Variants in MRTFA observed in about 807,000 individuals in gnomAD.
MRTFA encodes the protein myocardin-related transcription factor A.
MRTFA carries 20 observed loss-of-function variants against 83.5 expected under a neutral mutation model. That is an observed-to-expected ratio of 0.24 (90% CI 0.17 to 0.35). The LOEUF (loss-of-function observed/expected upper bound fraction) is 0.35, where lower values mean the gene tolerates loss of function less well. Ranked by LOEUF, MRTFA falls within the 10% of genes least tolerant of loss-of-function variation. MRTFA has a pLI of 1.00. For synonymous variants in MRTFA, 659 were observed against 541.2 expected (o/e 1.22, Z -3.02); for missense variants, 1,200 against 1,224.7 (o/e 0.98, Z 0.30).
At chr22:40,626,718 G>A (rs1468004406) in intron 1 of MRTFA, among the ~76,000 whole-genome samples, 1 of 152,020 alleles carries the variant, frequency 6.6e-6, no homozygotes, top group Non-Finnish European at 1.5e-5. Flanking sequence ...ACAAAGCCAG[G>A]GCCAGGCATA....
At chr22:40,529,825 T>C (rs2055045171) in intron 3 of MRTFA, among the ~76,000 whole-genome samples, 1 of 152,202 alleles carries the variant, frequency 6.6e-6, no homozygotes, top group African/African-American at 2.4e-5. Context: ...AGTACTCTAA[T>C]AATCATAACA....
At chr22:40,564,916 G>A (rs1184073161) in intron 2 of MRTFA, among the ~76,000 whole-genome samples, 1 of 152,050 alleles carries the variant, frequency 6.6e-6, no homozygotes, top group East Asian at 1.9e-4. Context: ...TTCCCAAAGT[G>A]CTAGGATTAC....
At chr22:40,503,960 A>T (rs1249494125) in intron 3 of MRTFA, among the ~76,000 whole-genome samples, 1 of 152,192 alleles carries the variant, frequency 6.6e-6, no homozygotes, top group African/African-American at 2.4e-5. Context: ...CTTAAAAAAT[A>T]ATAAACTGCC....
chr22:40,635,963 G>A (rs949270716), intron 1 of MRTFA, among the ~76,000 whole-genome samples: 1 of 152,152 alleles, frequency 6.6e-6, no homozygotes, highest in Admixed American at 6.5e-5. Context: ...TTCTTAGGAG[G>A]TAAAGTTCTT....
intron 3 of MRTFA, among the ~76,000 whole-genome samples, chr22:40,525,403 G>GTCGGGGAGGTT (rs989548939): frequency 6.6e-5 from 10 of 152,054 alleles, no homozygotes; most frequent in Non-Finnish European, 8.8e-5. Flanking sequence ...ACAGGAAGCT[G>GTCGGGGAGGTT]TCGGGGAGGT....
intron 4 of MRTFA, among the ~76,000 whole-genome samples, chr22:40,454,596 C>T (rs1358652994): frequency 1.3e-5 from 2 of 152,174 alleles, no homozygotes; most frequent in Admixed American, 6.5e-5. Flanking sequence ...CTCATTTGAT[C>T]TCCAAACTCA....
Position 40,411,315 on chromosome 22 carries a change from G to GAATC in MRTFA, c.*71_*74dup. 1 of 1,451,696 alleles carries GAATC rather than the reference G, an allele frequency of 6.9e-7. No homozygotes were observed. The highest frequency in any genetic ancestry group is 9.3e-7 in the Non-Finnish European group (1 of 1,080,076). 89.9% of individuals were successfully genotyped at this position (1,451,696 alleles called of 1,614,324 possible). A position where few individuals can be genotyped will look rare whatever the true frequency, so the allele number is the denominator to read the frequency against. Reference sequence around the variant, plus strand: ...AGACTCACAACCATGTGGAGAGGCCGAATCACGCAGGAGAGCCACGCATTG... The same window carrying GAATC: ...AGACTCACAACCATGTGGAGAGGCCGAATCAATCACGCAGGAGAGCCACGCATTG... On this transcript the variant is annotated 3_prime_UTR_variant, in exon 15 of 15. Coordinates refer to ENST00000355630, the MANE Select transcript of MRTFA (RefSeq NM_020831.6).
At chr22:40,459,794 C>T (rs773269842) in intron 4 of MRTFA, among the ~76,000 whole-genome samples, 2 of 108,398 alleles carry the variant, frequency 1.8e-5, no homozygotes, top group Non-Finnish European at 3.5e-5. Flanking sequence ...CACACACACA[C>T]ACACACACAC....
intron 3 of MRTFA, among the ~76,000 whole-genome samples, chr22:40,472,896 T>C (rs1203686451): frequency 6.6e-6 from 1 of 152,140 alleles, no homozygotes; most frequent in Non-Finnish European, 1.5e-5. Context: ...GGCTAAAAAT[T>C]GTTAATTTGT....
Position 40,588,115 on chromosome 22 carries a change from G to A in MRTFA, c.-22+6559C>T, listed in dbSNP as rs1010885525. 5.2e-5 allele frequency: 8 copies of A among 153,732 alleles called. No homozygotes were observed. In the East Asian group the frequency reaches 1.1e-3, roughly 21 times the overall value. The allele number at this position is 153,732 out of a possible 1,614,324, so 9.5% of individuals were successfully genotyped here. A position where few individuals can be genotyped will look rare whatever the true frequency, so the allele number is the denominator to read the frequency against. ...GCAGTCTCGGCTCACTGCAACCTCC[G>A]CCTCCCAGGTTCAAGCGATTCTCCC... On this transcript the variant is annotated intron_variant, in intron 2 of 14. Coordinates refer to ENST00000355630, the MANE Select transcript of MRTFA (RefSeq NM_020831.6).
At chr22:40,519,615 G>A in intron 3 of MRTFA, 1 of 1,310,372 alleles carries the variant, frequency 7.6e-7, no homozygotes. Flanking sequence ...ACATTTTTCT[G>A]TTGTACATAA....
intron 3 of MRTFA, among the ~76,000 whole-genome samples, chr22:40,525,889 T>C (rs1232260135): frequency 6.6e-6 from 1 of 152,188 alleles, no homozygotes; most frequent in Admixed American, 6.5e-5. Context: ...ACTTACATTC[T>C]ACGAAGAGAC....
intron 3 of MRTFA, among the ~76,000 whole-genome samples, chr22:40,512,381 A>T (rs1313266838): frequency 6.6e-6 from 1 of 152,242 alleles, no homozygotes; most frequent in African/African-American, 2.4e-5. Flanking sequence ...AATATAAAGA[A>T]GATCCTAACA....
intron 3 of MRTFA, among the ~76,000 whole-genome samples, chr22:40,471,219 T>TAAAAAA (rs61206773): frequency 1.2e-4 from 5 of 42,670 alleles, no homozygotes; most frequent in African/African-American, 2.1e-4. Flanking sequence ...CTGTTTCTAT[T>TAAAAAA]AAAAAAAAAA....
intron 3 of MRTFA, among the ~76,000 whole-genome samples, chr22:40,531,180 C>T (rs892570003): frequency 2.0e-5 from 3 of 151,702 alleles, no homozygotes; most frequent in Non-Finnish European, 4.4e-5. Flanking sequence ...CTTGTTGCAG[C>T]CTCGACCTCC....
At chr22:40,547,112 G>T (rs2055376851) in intron 3 of MRTFA, among the ~76,000 whole-genome samples, 1 of 151,942 alleles carries the variant, frequency 6.6e-6, no homozygotes. Context: ...CCGAGACTGT[G>T]CCACTGCACT....
intron 2 of MRTFA, among the ~76,000 whole-genome samples, chr22:40,583,890 C>G (rs1230108357): frequency 6.6e-6 from 1 of 152,182 alleles, no homozygotes; most frequent in Non-Finnish European, 1.5e-5. Context: ...ATCATAAGAT[C>G]ATAAGCACAG....
At chr22:40,441,742 G>GT in intron 4 of MRTFA, among the ~76,000 whole-genome samples, 1 of 151,648 alleles carries the variant, frequency 6.6e-6, no homozygotes, top group Non-Finnish European at 1.5e-5. Flanking sequence ...AGCCGAGACC[G>GT]TGACACTGTA....
intron 7 of MRTFA, among the ~76,000 whole-genome samples, chr22:40,426,297 C>T (rs962959600): frequency 2.0e-5 from 3 of 152,078 alleles, no homozygotes; most frequent in African/African-American, 7.2e-5. Context: ...TCGTCCTCCT[C>T]CCTCCTCTTC....
Sources: allele counts gnomAD v4.1 joint callset (sites outside exome capture counted in the v4.1 genomes callset), GRCh38; gene constraint gnomAD v4.1.1; transcripts MANE v1.5; gene names NCBI Gene and HGNC (gene_info 2026-07-23, HGNC 2026-07-21).